Variants in HSPBAP1 observed in about 807,000 individuals in gnomAD.
HSPBAP1 encodes HSPB1-associated protein 1.
A neutral mutation model predicts 45.2 loss-of-function variants in HSPBAP1; 27 were observed. The ratio of observed to expected loss-of-function variants is 0.60; its 90% confidence interval spans 0.44 to 0.82. The LOEUF is 0.82. Ranked by LOEUF, HSPBAP1 falls within the 40% of genes least tolerant of loss-of-function variation. HSPBAP1 has a pLI of 0.00. For missense variants in HSPBAP1, 510 were observed against 590.9 expected (o/e 0.86, Z 1.42); for synonymous variants, 204 against 202.7 (o/e 1.01, Z -0.06).
At chr3:122,792,877 GA>G (rs11362705) in intron 1 of HSPBAP1, among the ~76,000 whole-genome samples, 120,635 of 143,020 alleles carry the variant, frequency 0.84, 50,687 homozygotes, top group East Asian at 0.98. Context: ...CTCAAAAAAA[GA>G]AAAAAAAAAA....
At chr3:122,765,016 G>T (rs1445823912) in intron 3 of HSPBAP1, among the ~76,000 whole-genome samples, 1 of 152,202 alleles carries the variant, frequency 6.6e-6, no homozygotes, top group Non-Finnish European at 1.5e-5. Context: ...AGCTATGAGA[G>T]CATGTTGAAA....
chr3:122,782,400 A>G (rs1433036536), intron 1 of HSPBAP1, among the ~76,000 whole-genome samples: 1 of 152,214 alleles, frequency 6.6e-6, no homozygotes, highest in East Asian at 1.9e-4. Flanking sequence ...ATTTAAATAA[A>G]TTTCACAGAA....
chr3:122,755,287 T>A lies in HSPBAP1; in HGVS notation c.714A>T (p.Arg238Ser). Residue 238 changes from arginine (R) to serine (S), a missense_variant, in exon 5 of 8, where the codon AGA (arginine) becomes AGT (serine). By Grantham distance (110) the Arg-to-Ser change is moderately radical. Transcript: ENST00000306103. ...GTCCTGGGCTCAGTGTAACCGCATG[T>A]CTTTGAGCTTTCCGGAACTGAGGAA... ...KRFPQFRKAQ[R>S]HAVTLSPGQV... 1 of 1,596,784 alleles carries A rather than the reference T, an allele frequency of 6.3e-7. No homozygotes were observed. Among genetic ancestry groups the A allele is most frequent in the African/African-American group, 1.4e-5 (1 of 73,708 alleles).
In HSPBAP1 at chr3:122,773,771, G is replaced by T. The variant is rs1030443541; in HGVS notation, c.250+3950C>A. The stretch of plus-strand genomic sequence containing the variant: ...CCCATCTCAACCTCCTGGGTAGCTG[G>T]GACAACAGGTGCACACCATCATGCC... On this transcript the variant is annotated intron_variant, in intron 2 of 7. Coordinates refer to ENST00000306103, the MANE Select transcript of HSPBAP1 (RefSeq NM_024610.6). 4.6e-5 allele frequency among the ~76,000 whole-genome samples: 7 copies of T among 151,642 alleles called. No individual in the cohort carries two copies. The East Asian group carries it at 1.4e-3, about 30-fold the overall frequency.
chr3:122,753,559 G>C, intron 5 of HSPBAP1: 9 of 984,618 alleles, frequency 9.1e-6, no homozygotes, highest in Non-Finnish European at 1.1e-5. Flanking sequence ...AAAAGCAATG[G>C]GCAGAGTCAA....
chr3:122,754,887 C>T (rs1281304037), intron 5 of HSPBAP1: 1 of 995,866 alleles, frequency 1.0e-6, no homozygotes. Context: ...GGGTTCAGTG[C>T]TATCATAATT....
chr3:122,740,511 T>A lies in HSPBAP1; in HGVS notation c.1301A>T (p.Gln434Leu). 2 of 1,614,232 alleles carry A rather than the reference T, an allele frequency of 1.2e-6. No homozygotes were observed. The highest frequency in any genetic ancestry group is 1.7e-6 in the Non-Finnish European group (2 of 1,180,048). The stretch of plus-strand genomic sequence containing the variant: ...ATTTTCACTGTTGCTCATTATTTGT[T>A]GTCTCTTGGCACAATGCAATTTTCC... ...HFGKLHCAKR[Q>L]QIMSNSENAI... Residue 434 changes from glutamine to leucine, a missense_variant, in exon 8 of 8, where the codon CAA (glutamine) becomes CTA (leucine). By Grantham distance (113) the Gln-to-Leu change is moderately radical. Transcript: ENST00000306103.
chr3:122,755,062 T>C, intron 5 of HSPBAP1, 198 bp downstream of exon 5: 1 of 1,219,532 alleles, frequency 8.2e-7, no homozygotes, highest in South Asian at 4.2e-5. Flanking sequence ...TGCCATTTCC[T>C]TTCCAGGACC....
chr3:122,783,293 G>T (rs1935550991), intron 1 of HSPBAP1, among the ~76,000 whole-genome samples: 1 of 152,140 alleles, frequency 6.6e-6, no homozygotes, highest in African/African-American at 2.4e-5. Flanking sequence ...TTGCATTCAA[G>T]TTCTTCATCC....
intron 4 of HSPBAP1, among the ~76,000 whole-genome samples, chr3:122,756,443 T>C (rs1279756640): frequency 6.6e-6 from 1 of 152,088 alleles, no homozygotes; most frequent in Non-Finnish European, 1.5e-5. Context: ...CCTCAGCACT[T>C]TGGGAGGCCG....
intron 3 of HSPBAP1, among the ~76,000 whole-genome samples, chr3:122,760,323 T>C (rs553920343): frequency 6.6e-6 from 1 of 152,020 alleles, no homozygotes; most frequent in African/African-American, 2.4e-5. Flanking sequence ...ATTTTTATTT[T>C]AATCATGAGG....
intron 6 of HSPBAP1, among the ~76,000 whole-genome samples, chr3:122,745,914 C>G (rs1933831190): frequency 6.6e-6 from 1 of 152,184 alleles, no homozygotes; most frequent in South Asian, 2.1e-4. Flanking sequence ...ACTGCAAAAG[C>G]TGCAGCCACA....
At position 122,777,759 on chromosome 3, in the gene HSPBAP1, T is replaced by C; in HGVS notation, c.212A>G (p.Gln71Arg). ...TTTCATCCCCATTCTGAATCGTATCTGCTTGCCATGAAGGACCTGCGAAAG... is the reference window on the plus strand; with the variant it reads ...TTTCATCCCCATTCTGAATCGTATCCGCTTGCCATGAAGGACCTGCGAAAG... ...KYLSQVLHGK[Q>R]IRFRMGMKSM... The change falls in exon 2 of 8, where the codon CAG becomes CGG. Residue 71 changes from glutamine to arginine, a missense_variant. Gln to Arg is a conservative substitution (Grantham distance 43). Transcript: ENST00000306103. 6.2e-7 allele frequency: 1 copy of C among 1,614,068 alleles called. No homozygotes were observed. The highest frequency in any genetic ancestry group is 8.5e-7 in the Non-Finnish European group (1 of 1,179,966).
intron 6 of HSPBAP1, among the ~76,000 whole-genome samples, chr3:122,747,457 CG>C (rs1184484863): frequency 6.6e-6 from 1 of 151,756 alleles, no homozygotes; most frequent in Non-Finnish European, 1.5e-5. Flanking sequence ...CGTCTCCGCC[CG>C]GCCAGCCGCC....
intron 1 of HSPBAP1, among the ~76,000 whole-genome samples, chr3:122,780,314 C>A (rs1576271417): frequency 1.0e-5 from 1 of 97,798 alleles, no homozygotes; most frequent in Non-Finnish European, 2.2e-5. Flanking sequence ...CCGGACGGGG[C>A]GGCTGGCCGG....
chr3:122,786,675 G>C (rs1413791093), intron 1 of HSPBAP1, among the ~76,000 whole-genome samples: 1 of 152,216 alleles, frequency 6.6e-6, no homozygotes, highest in East Asian at 1.9e-4. Flanking sequence ...TTTGCTGAGA[G>C]AGTGCCTGGC....
chr3:122,740,183 T>C lies in HSPBAP1; in HGVS notation c.*162A>G. Reference sequence around the variant, plus strand: ...CAGCCAGTTTGGCCAAAGAGGAATGTGCATGAAAGAAGGTGGCAACAGACT... The same window carrying C: ...CAGCCAGTTTGGCCAAAGAGGAATGCGCATGAAAGAAGGTGGCAACAGACT... On this transcript the variant is annotated 3_prime_UTR_variant, in exon 8 of 8. Coordinates refer to ENST00000306103, the MANE Select transcript of HSPBAP1 (RefSeq NM_024610.6). The C allele has an allele frequency of 2.3e-6, 1 of 440,472 alleles. No homozygotes were observed. Among genetic ancestry groups the C allele is most frequent in the Non-Finnish European group, 3.9e-6 (1 of 259,520 alleles). 27.3% of individuals were successfully genotyped at this position (440,472 alleles called of 1,614,324 possible). A position where few individuals can be genotyped will look rare whatever the true frequency, so the allele number is the denominator to read the frequency against.
chr3:122,786,690 T>G (rs1935666746), intron 1 of HSPBAP1, among the ~76,000 whole-genome samples: 1 of 152,186 alleles, frequency 6.6e-6, no homozygotes. Flanking sequence ...CCTGGCCTAG[T>G]GACTGGTATA....
intron 6 of HSPBAP1, among the ~76,000 whole-genome samples, chr3:122,746,790 T>A (rs1933878748): frequency 6.6e-6 from 1 of 152,114 alleles, no homozygotes. Context: ...GTGCCTGCGA[T>A]TGCAGGCGCG....
Sources: allele counts gnomAD v4.1 joint callset (sites outside exome capture counted in the v4.1 genomes callset), GRCh38; gene constraint gnomAD v4.1.1; transcripts MANE v1.5; gene names NCBI Gene and HGNC (gene_info 2026-07-23, HGNC 2026-07-21).